The following MITF variants were observed in gnomAD, a reference collection of about 807,000 sequenced individuals.
The protein encoded by MITF is melanocyte inducing transcription factor.
MITF carries 17 observed loss-of-function variants against 60.5 expected under a neutral mutation model. The ratio of observed to expected loss-of-function variants is 0.28; its 90% confidence interval spans 0.19 to 0.42. The LOEUF (loss-of-function observed/expected upper bound fraction) is 0.42, where lower values mean the gene tolerates loss of function less well. Ranked by LOEUF, MITF falls within the 10% of genes least tolerant of loss-of-function variation. The pLI, the probability that MITF is intolerant of heterozygous loss-of-function variation, is 1.00. For missense variants in MITF, 622 were observed against 683.5 expected (o/e 0.91, Z 1.00); for synonymous variants, 260 against 248.5 (o/e 1.05, Z -0.43).
At chr3:69,761,713 A>C (rs764123741) in intron 1 of MITF, among the ~76,000 whole-genome samples, 4 of 152,206 alleles carry the variant, frequency 2.6e-5, no homozygotes, top group Non-Finnish European at 5.9e-5. Flanking sequence ...GCTGCTTCTG[A>C]AGGAGGAAAG....
intron 6 of MITF, among the ~76,000 whole-genome samples, chr3:69,950,733 A>C (rs1287541973): frequency 6.6e-6 from 1 of 151,732 alleles, no homozygotes; most frequent in Non-Finnish European, 1.5e-5. Context: ...TTCAGCTATC[A>C]CTTCTGAAAA....
intron 1 of MITF, among the ~76,000 whole-genome samples, chr3:69,745,461 G>C (rs2106751084): frequency 6.6e-6 from 1 of 152,306 alleles, no homozygotes; most frequent in African/African-American, 2.4e-5. Flanking sequence ...CAGAGGAAGG[G>C]GAACTGGGGA....
At chr3:69,959,030 G>A (rs1400325120) in intron 8 of MITF, among the ~76,000 whole-genome samples, 2 of 151,038 alleles carry the variant, frequency 1.3e-5, no homozygotes, top group Non-Finnish European at 2.9e-5. Context: ...GTGGGATGGG[G>A]GTGAGGGATA....
intron 1 of MITF, among the ~76,000 whole-genome samples, chr3:69,834,846 C>CTTTTTT (rs71126468): frequency 2.3e-5 from 3 of 129,666 alleles, no homozygotes; most frequent in South Asian, 2.5e-4. Context: ...GTTTTCTTTT[C>CTTTTTT]TTTTTTTTTT....
At chr3:69,767,114 A>G (rs774301162) in intron 1 of MITF, among the ~76,000 whole-genome samples, 15 of 152,314 alleles carry the variant, frequency 9.8e-5, no homozygotes, top group Admixed American at 2.6e-4. Context: ...ATGAAGATAT[A>G]ATTAGATTAG....
At chr3:69,944,049 G>A (rs1221975473) in intron 5 of MITF, among the ~76,000 whole-genome samples, 3 of 152,108 alleles carry the variant, frequency 2.0e-5, no homozygotes, top group Non-Finnish European at 2.9e-5. Flanking sequence ...AATCATGATC[G>A]TGCCACTGTC....
At chr3:69,876,052 A>G (rs1256976655) in intron 1 of MITF, among the ~76,000 whole-genome samples, 2 of 152,064 alleles carry the variant, frequency 1.3e-5, no homozygotes, top group Admixed American at 6.6e-5. Context: ...ATACTGGTCT[A>G]CTTCATACAT....
intron 1 of MITF, among the ~76,000 whole-genome samples, chr3:69,874,905 AATACCT>A (rs1220762189): frequency 1.3e-5 from 2 of 152,182 alleles, no homozygotes; most frequent in African/African-American, 2.4e-5. Context: ...CCATGTCCAA[AATACCT>A]ATACCATCAC....
chr3:69,866,204 C>T (rs1678830141), intron 1 of MITF: 4 of 1,587,518 alleles, frequency 2.5e-6, no homozygotes, highest in Non-Finnish European at 3.4e-6. Flanking sequence ...TTATCAGGAG[C>T]CACCCCTAGT....
chr3:69,913,455 G>C (rs2065266111), intron 2 of MITF, among the ~76,000 whole-genome samples: 1 of 152,128 alleles, frequency 6.6e-6, no homozygotes, highest in Non-Finnish European at 1.5e-5. Flanking sequence ...TCTTCCTTGA[G>C]AGATCTCATT....
At chr3:69,962,644 G>A (rs2066578968) in intron 9 of MITF, among the ~76,000 whole-genome samples, 2 of 152,264 alleles carry the variant, frequency 1.3e-5, no homozygotes, top group East Asian at 1.9e-4. Flanking sequence ...TTTCACAACC[G>A]TGGAAGGGAT....
At chr3:69,846,741 C>T (rs758748014) in intron 1 of MITF, among the ~76,000 whole-genome samples, 2 of 147,840 alleles carry the variant, frequency 1.4e-5, no homozygotes, top group Non-Finnish European at 3.0e-5. Flanking sequence ...CACTTGAACC[C>T]GGGAGGCAGA....
intron 2 of MITF, among the ~76,000 whole-genome samples, chr3:69,925,763 C>A (rs2065571644): frequency 6.6e-6 from 1 of 152,200 alleles, no homozygotes; most frequent in Non-Finnish European, 1.5e-5. Context: ...TGCTGGGCTG[C>A]TTCCTACCTC....
intron 1 of MITF, among the ~76,000 whole-genome samples, chr3:69,749,726 T>C (rs1157297156): frequency 6.6e-6 from 1 of 152,218 alleles, no homozygotes; most frequent in Non-Finnish European, 1.5e-5. Flanking sequence ...CAAAGAAGCA[T>C]GCTTGGAGGA....
At chr3:69,834,133 A>AT (rs1256764393) in intron 1 of MITF, among the ~76,000 whole-genome samples, 1 of 152,228 alleles carries the variant, frequency 6.6e-6, no homozygotes, top group African/African-American at 2.4e-5. Context: ...CATATCTGTC[A>AT]TCTCATGCAT....
intron 1 of MITF, among the ~76,000 whole-genome samples, chr3:69,823,744 A>G (rs2063312872): frequency 6.6e-6 from 1 of 152,234 alleles, no homozygotes; most frequent in Non-Finnish European, 1.5e-5. Context: ...AGTAAGTTAC[A>G]GACAAATGTT....
intron 1 of MITF, among the ~76,000 whole-genome samples, chr3:69,839,801 C>T (rs1423576993): frequency 2.6e-5 from 4 of 151,288 alleles, no homozygotes; most frequent in African/African-American, 4.9e-5. Context: ...AAAACGAAAA[C>T]GTTCACATTA....
chr3:69,870,593 C>G (rs62253186), intron 1 of MITF, among the ~76,000 whole-genome samples: 6,903 of 151,862 alleles, frequency 0.045, 212 homozygotes, highest in Admixed American at 0.066. Flanking sequence ...TACCACCATG[C>G]CTAGCTAAAT....
At chr3:69,901,722 G>C (rs937134014) in intron 2 of MITF, among the ~76,000 whole-genome samples, 12 of 152,220 alleles carry the variant, frequency 7.9e-5, no homozygotes, top group African/African-American at 2.9e-4. Flanking sequence ...AATTCTGAAA[G>C]CAAGCATTTA....
Sources: gnomAD v4.1 joint callset for allele counts (sites outside exome capture counted in the v4.1 genomes callset) on GRCh38, gnomAD v4.1.1 for gene constraint, MANE v1.5 for transcripts, NCBI Gene and HGNC (gene_info 2026-07-23, HGNC 2026-07-21) for gene names.